PARP11: variants seen among roughly 807,000 people sequenced by gnomAD.
PARP11 encodes poly(ADP-ribose) polymerase family member 11.
A neutral mutation model predicts 42.9 loss-of-function variants in PARP11; 31 were observed. The observed-to-expected ratio is 0.72, with a 90% confidence interval of 0.54 to 0.98. PARP11 has a LOEUF of 0.98. PARP11 is among the 50% of genes least tolerant of loss of function. The probability of loss-of-function intolerance (pLI) is 0.00; values close to 1 mark genes in which losing one functional copy is unlikely to be tolerated. For synonymous variants in PARP11, 137 were observed against 127.3 expected, an observed-to-expected ratio of 1.08 and a Z score of -0.51; for missense variants, 365 against 413.1, an observed-to-expected ratio of 0.88 and a Z score of 1.01.
intron 3 of PARP11, 137 bp from the exon 4 acceptor site, chr12:3,826,370 T>C (rs1947526803): frequency 1.1e-5 from 6 of 561,474 alleles, no homozygotes; most frequent in Admixed American, 3.3e-5. Context: ...TAGTGTATTA[T>C]GGGTACTTTA....
intron 1 of PARP11, among the ~76,000 whole-genome samples, chr12:3,866,639 C>T (rs917818599): frequency 3.4e-5 from 5 of 149,000 alleles, no homozygotes; most frequent in African/African-American, 1.2e-4. Context: ...TACTATAAAA[C>T]TCAAGTAAAC....
At chr12:3,823,513 T>G (rs1346233591) in intron 4 of PARP11, among the ~76,000 whole-genome samples, 1 of 118,770 alleles carries the variant, frequency 8.4e-6, no homozygotes, top group Admixed American at 1.1e-4. Context: ...ACACACTCAG[T>G]AAGTACTGGA....
chr12:3,812,611 C>A (rs1276279075), intron 7 of PARP11, among the ~76,000 whole-genome samples, 172 bp from the exon 8 acceptor site: 3 of 152,194 alleles, frequency 2.0e-5, no homozygotes, highest in Non-Finnish European at 4.4e-5. Flanking sequence ...CTGTTATGGA[C>A]AGCTGTAGTA....
intron 4 of PARP11, 74 bp downstream of exon 4, chr12:3,826,084 A>C: frequency 1.2e-6 from 1 of 828,926 alleles, no homozygotes; most frequent in South Asian, 1.9e-5. Flanking sequence ...AAATATTTCC[A>C]GTCTATTTGT....
At chr12:3,836,172 G>A (rs935493829) in intron 1 of PARP11, among the ~76,000 whole-genome samples, 2 of 151,798 alleles carry the variant, frequency 1.3e-5, no homozygotes, top group Admixed American at 6.6e-5. Flanking sequence ...TCAAAATTTC[G>A]AAAGCCAAAG....
At position 3,840,496 on chromosome 12, in the gene PARP11, C is replaced by T. The variant is rs1947862831; in HGVS notation, c.19-10478G>A. The T allele has an allele frequency of 3.7e-6, 6 of 1,612,714 alleles. No homozygotes were observed. The Admixed American group carries it at 6.7e-5, about 18-fold the overall frequency. ...GTTCTCTAGTCATTCTTCAGGGTCA[C>T]AGTCTCAGAAATTCTCCAGTGAGCA... On this transcript the variant is annotated intron_variant, in intron 1 of 7. Coordinates refer to ENST00000228820, the MANE Select transcript of PARP11 (RefSeq NM_020367.6). The surrounding 1 kb of genome is among the most constrained non-coding windows in gnomAD (Gnocchi z 4.4).
rs558572353 is a variant in PARP11 at position 3,869,510 on chromosome 12, TTC to T, written c.18+3700_18+3701del. On this transcript the variant is annotated intron_variant, in intron 1 of 7. Transcript: ENST00000228820. ...TGCACTGTGTCCCAGCCACATAGGC[TTC>T]TCTCTTTTTCTCAAGCACCAAGCTC... Among the ~76,000 whole-genome samples, 26 of 152,246 alleles carry T rather than the reference TTC, an allele frequency of 1.7e-4. No homozygotes were observed. In the South Asian group the frequency reaches 5.4e-3, roughly 32 times the overall value.
chr12:3,821,750 C>A, intron 6 of PARP11, 123 bp downstream of exon 6: 1 of 1,051,738 alleles, frequency 9.5e-7, no homozygotes, highest in Middle Eastern at 3.0e-4. Flanking sequence ...GAGACCAGGT[C>A]AAAATACGGC....
Position 3,814,075 on chromosome 12 carries a change from C to T in PARP11, c.662G>A (p.Trp221Ter). The T allele has an allele frequency of 3.1e-6, 5 of 1,604,398 alleles. No individual in the cohort carries two copies. The highest frequency in any genetic ancestry group is 1.3e-5 in the African/African-American group (1 of 74,798). ...AGCACCATGTATACCATTTATTCTC[C>T]AATCAAAGTTATGAATGCAGATTGC... ...VEAICIHNFD[W>*]RINGIHGAVF... The change falls in exon 7 of 8, where the codon TGG becomes TAG. Residue 221 changes from tryptophan (W) to a stop codon, truncating the protein, a stop_gained. Coordinates refer to ENST00000228820, the MANE Select transcript of PARP11 (RefSeq NM_020367.6). LOFTEE classifies it high-confidence loss of function.
Position 3,841,940 on chromosome 12 carries a change from T to G in PARP11, c.19-11922A>C, listed in dbSNP as rs1054219007. The G allele has an allele frequency of 1.1e-5, 17 of 1,608,192 alleles. No homozygotes were observed. In the African/African-American group the frequency reaches 2.1e-4, roughly 20 times the overall value. The stretch of plus-strand genomic sequence containing the variant: ...GCCAGGAGTGAACATGTACATTCTC[T>G]CCCTGAAGCAAGTGTGAGCAGTAAG... On this transcript the variant is annotated intron_variant, in intron 1 of 7. Transcript: ENST00000228820.
At chr12:3,823,454 T>C (rs925394678) in intron 4 of PARP11, among the ~76,000 whole-genome samples, 1 of 152,200 alleles carries the variant, frequency 6.6e-6, no homozygotes, top group African/African-American at 2.4e-5. Flanking sequence ...TAACAGTGCA[T>C]AGAGAGCATC....
intron 1 of PARP11, among the ~76,000 whole-genome samples, chr12:3,853,589 C>T (rs1405296937): frequency 1.3e-5 from 2 of 152,176 alleles, no homozygotes; most frequent in Non-Finnish European, 2.9e-5. Context: ...AGCTAACTAT[C>T]CTAAATATAT....
chr12:3,813,901 A>G, intron 7 of PARP11, 136 bp downstream of exon 7: 1 of 575,018 alleles, frequency 1.7e-6, no homozygotes, highest in Non-Finnish European at 2.8e-6. Context: ...TCTCGTACAC[A>G]ATGCAATTAT....
intron 1 of PARP11, chr12:3,864,053 C>G (rs1300180525): frequency 6.6e-6 from 1 of 152,152 alleles, no homozygotes; most frequent in Non-Finnish European, 1.5e-5. Flanking sequence ...TTTCAACAAC[C>G]CCAGCCTGTT....
chr12:3,817,707 G>A (rs10491976), intron 6 of PARP11, among the ~76,000 whole-genome samples: 18,001 of 152,194 alleles, frequency 0.12, 1,332 homozygotes, highest in Admixed American at 0.23. Flanking sequence ...AGGGACTAGA[G>A]TGCCAAACTG....
chr12:3,850,474 A>C (rs1412567691), intron 1 of PARP11, among the ~76,000 whole-genome samples: 3 of 152,184 alleles, frequency 2.0e-5, no homozygotes, highest in Non-Finnish European at 4.4e-5. Context: ...GGGAAAAAAG[A>C]CTTTCCCAGG....
chr12:3,846,674 G>A (rs948696604), intron 1 of PARP11, among the ~76,000 whole-genome samples: 16 of 151,490 alleles, frequency 1.1e-4, no homozygotes, highest in South Asian at 2.1e-4. Flanking sequence ...GGAAAATGGC[G>A]TGAACCCAGG....
intron 1 of PARP11, chr12:3,841,736 C>T: frequency 6.2e-7 from 1 of 1,613,006 alleles, no homozygotes; most frequent in South Asian, 1.1e-5. Flanking sequence ...CCTATTGCAC[C>T]TCCTTTCTTT....
At chr12:3,829,770 CA>C in intron 2 of PARP11, 119 bp downstream of exon 2, 1 of 1,049,726 alleles carries the variant, frequency 9.5e-7, no homozygotes, top group Admixed American at 2.5e-5. Context: ...TTTAGTTAAA[CA>C]ATTTTATTTC....
Sources: allele counts gnomAD v4.1 joint callset (sites outside exome capture counted in the v4.1 genomes callset), GRCh38; gene constraint gnomAD v4.1.1; non-coding constraint Gnocchi (gnomAD v3.1); transcripts MANE v1.5; gene names NCBI Gene and HGNC (gene_info 2026-07-23, HGNC 2026-07-21).